BCL11A: variants seen among roughly 807,000 people sequenced by gnomAD.
BCL11A encodes the protein BCL11 transcription factor A.
BCL11A carries 2 observed loss-of-function variants against 55.9 expected under a neutral mutation model. That is an observed-to-expected ratio of 0.04 (90% CI 0.01 to 0.11). BCL11A has a LOEUF of 0.11. Ranked by LOEUF, BCL11A falls within the 10% of genes least tolerant of loss-of-function variation. The probability of loss-of-function intolerance (pLI) is 1.00; values close to 1 mark genes in which losing one functional copy is unlikely to be tolerated. For synonymous variants in BCL11A, 465 were observed against 473.4 expected, an observed-to-expected ratio of 0.98 and a Z score of 0.23; for missense variants, 817 against 1,137.1, an observed-to-expected ratio of 0.72 and a Z score of 4.05.
chr2:60,553,098 T>C, intron 1 of BCL11A, 118 bp downstream of exon 1: 1 of 1,094,942 alleles, frequency 9.1e-7, no homozygotes, highest in Non-Finnish European at 1.3e-6. Context: ...CGGAGGTTTT[T>C]CTCGTGAAAA....
intron 2 of BCL11A, among the ~76,000 whole-genome samples, chr2:60,540,610 G>A (rs1385195785): frequency 2.0e-5 from 3 of 152,070 alleles, no homozygotes; most frequent in Non-Finnish European, 1.5e-5. Context: ...GTTTCCCTAG[G>A]ATTTGCATGT....
At chr2:60,508,179 T>C (rs1679751033) in intron 2 of BCL11A, among the ~76,000 whole-genome samples, 1 of 152,206 alleles carries the variant, frequency 6.6e-6, no homozygotes, top group Non-Finnish European at 1.5e-5. Flanking sequence ...CCTAAAATTC[T>C]GACAGGCCCA....
intron 2 of BCL11A, among the ~76,000 whole-genome samples, chr2:60,510,798 C>T (rs1679936949): frequency 1.3e-5 from 2 of 152,344 alleles, no homozygotes; most frequent in South Asian, 4.1e-4. Flanking sequence ...CCTGGGGGCA[C>T]TTTAGCTTTG....
At chr2:60,506,564 C>A (rs965108147) in intron 2 of BCL11A, among the ~76,000 whole-genome samples, 3 of 152,224 alleles carry the variant, frequency 2.0e-5, no homozygotes, top group Non-Finnish European at 4.4e-5. Context: ...CAGGAAAGCC[C>A]TGGCTATACA....
chr2:60,546,380 C>T lies in BCL11A; in HGVS notation c.56-80G>A. On this transcript the variant is annotated intron_variant, in intron 1 of 3. Coordinates refer to ENST00000642384, the MANE Select transcript of BCL11A (RefSeq NM_022893.4). This position sits in a 1 kb window ranked among gnomAD's most constrained non-coding sequence, Gnocchi z 4.1. ...GGGAGAAGCACATCTCAACCCCATG[C>T]CATCCCACCACATCATGTAAAGTGT... 1 of 1,153,774 alleles carries T rather than the reference C, an allele frequency of 8.7e-7. No homozygotes were observed. 71.5% of individuals were successfully genotyped at this position (1,153,774 alleles called of 1,614,324 possible).
At chr2:60,463,803 GA>G (rs577648530) in intron 3 of BCL11A, among the ~76,000 whole-genome samples, 1 of 146,646 alleles carries the variant, frequency 6.8e-6, no homozygotes, top group Non-Finnish European at 1.5e-5. Context: ...CAGAGATTCT[GA>G]AAAAAAAAGC....
At chr2:60,472,320 C>CTGGA (rs1677251488) in intron 2 of BCL11A, among the ~76,000 whole-genome samples, 1 of 152,228 alleles carries the variant, frequency 6.6e-6, no homozygotes, top group Non-Finnish European at 1.5e-5. Flanking sequence ...ACAGCAGGAA[C>CTGGA]TGGACTCTTG....
intron 2 of BCL11A, among the ~76,000 whole-genome samples, chr2:60,523,219 T>C (rs559978324): frequency 2.6e-4 from 40 of 152,126 alleles, no homozygotes; most frequent in South Asian, 1.0e-3. Flanking sequence ...TGTTGCAACC[T>C]AGAGAAAGAA....
chr2:60,467,477 A>G (rs1408124186), intron 3 of BCL11A, among the ~76,000 whole-genome samples: 1 of 1,096 alleles, frequency 9.1e-4, no homozygotes, highest in Admixed American at 0.019. Flanking sequence ...GGTGGTGGTA[A>G]TGGTGGTGGT....
chr2:60,473,055 A>G (rs939590987), intron 2 of BCL11A, among the ~76,000 whole-genome samples: 1 of 144,902 alleles, frequency 6.9e-6, no homozygotes, highest in South Asian at 2.1e-4. Flanking sequence ...GTTTGTGAGC[A>G]TGTGCATGTG....
At chr2:60,499,612 A>T (rs1471454340) in intron 2 of BCL11A, 1 of 152,258 alleles carries the variant, frequency 6.6e-6, no homozygotes, top group African/African-American at 2.4e-5. Context: ...GGCTAGCAAA[A>T]AGACCCCTCC....
chr2:60,468,512 A>G (rs1677017495), intron 3 of BCL11A, among the ~76,000 whole-genome samples: 2 of 152,202 alleles, frequency 1.3e-5, no homozygotes, highest in African/African-American at 4.8e-5. Context: ...ATGAGCTACT[A>G]TCAGCTCCCA....
At chr2:60,518,687 C>G (rs1004768323) in intron 2 of BCL11A, among the ~76,000 whole-genome samples, 3 of 152,190 alleles carry the variant, frequency 2.0e-5, no homozygotes, top group African/African-American at 7.2e-5. Context: ...GTTTTAAGAG[C>G]CTACTCATCA....
intron 3 of BCL11A, among the ~76,000 whole-genome samples, chr2:60,467,018 C>T (rs1572959975): frequency 6.6e-6 from 1 of 151,924 alleles, no homozygotes; most frequent in Non-Finnish European, 1.5e-5. Flanking sequence ...ATTTAAGTTT[C>T]ATAAAATGGT....
chr2:60,514,667 C>CAA (rs567427710), intron 2 of BCL11A, among the ~76,000 whole-genome samples: 1 of 113,374 alleles, frequency 8.8e-6, no homozygotes, highest in Non-Finnish European at 1.9e-5. Context: ...GACTCCATCT[C>CAA]AAAAAAAAAA....
intron 2 of BCL11A, chr2:60,499,541 C>CT (rs949924306): frequency 2.0e-5 from 3 of 152,256 alleles, no homozygotes; most frequent in African/African-American, 7.2e-5. Context: ...GTGTAGCTGA[C>CT]TTTAGAGTCC....
At chr2:60,508,527 C>T (rs2104463225) in intron 2 of BCL11A, 1 of 152,396 alleles carries the variant, frequency 6.6e-6, no homozygotes, top group Middle Eastern at 3.4e-3. Flanking sequence ...TGGAACTGCA[C>T]TGGACTTTTC....
intron 1 of BCL11A, among the ~76,000 whole-genome samples, chr2:60,547,365 GTCTT>G (rs1670203055): frequency 6.6e-6 from 1 of 151,850 alleles, no homozygotes; most frequent in Non-Finnish European, 1.5e-5. Context: ...AGGTAGACAT[GTCTT>G]TCTTTCCTGT....
intron 2 of BCL11A, chr2:60,534,958 T>G (rs1279965601): frequency 6.6e-6 from 1 of 152,270 alleles, no homozygotes; most frequent in Non-Finnish European, 1.5e-5. Flanking sequence ...TTTGCAAGAT[T>G]GAAAATCTAA....
Sources: gnomAD v4.1 joint callset for allele counts (sites outside exome capture counted in the v4.1 genomes callset) on GRCh38, gnomAD v4.1.1 for gene constraint, Gnocchi (gnomAD v3.1) non-coding constraint, MANE v1.5 for transcripts, NCBI Gene and HGNC (gene_info 2026-07-23, HGNC 2026-07-21) for gene names.